The following TBX2 variants were observed in gnomAD, a reference collection of about 807,000 sequenced individuals.
TBX2 encodes the protein T-box transcription factor TBX2.
Under a neutral mutation model 48.4 loss-of-function variants are expected in TBX2, and 19 were observed. That is an observed-to-expected ratio of 0.39 (90% confidence interval 0.27 to 0.58). TBX2 has a LOEUF of 0.58. TBX2 is among the 20% of genes least tolerant of loss of function. The pLI, the probability that TBX2 is intolerant of heterozygous loss-of-function variation, is 0.54. For missense variants in TBX2, 994 were observed against 1,006.5 expected, an observed-to-expected ratio of 0.99 and a Z score of 0.17; for synonymous variants, 522 against 459.7, an observed-to-expected ratio of 1.14 and a Z score of -1.73.
chr17:61,408,608 G>C lies in TBX2; in HGVS notation c.*102G>C. ...AGAATGAGTATTTATTTAAATAAAG[G>C]AGAAAAGTGGGCTGCAGCAGCCGGA... On this transcript the variant is annotated 3_prime_UTR_variant, in exon 7 of 7. Coordinates refer to ENST00000240328, the MANE Select transcript of TBX2 (RefSeq NM_005994.4). 1 of 1,174,004 alleles carries C rather than the reference G, an allele frequency of 8.5e-7. No individual in the cohort carries two copies. Among genetic ancestry groups the C allele is most frequent in the Non-Finnish European group, 1.1e-6 (1 of 903,582 alleles). The allele number at this position is 1,174,004 out of a possible 1,614,324, so 72.7% of individuals were successfully genotyped here.
At chr17:61,407,758 C>T (rs547217647) in intron 6 of TBX2, 10 of 364,068 alleles carry the variant, frequency 2.7e-5, no homozygotes, top group Admixed American at 9.7e-5. Context: ...GGCCTTCACC[C>T]GTGCTAGGGC....
intron 2 of TBX2, 98 bp from the exon 3 acceptor site, chr17:61,402,963 A>AGT: frequency 5.7e-6 from 1 of 176,540 alleles, no homozygotes; most frequent in Non-Finnish European, 9.2e-6. Context: ...AGAGAGAGAG[A>AGT]GAGAGAGAAA....
rs982439065 is a variant in TBX2 at position 61,408,868 on chromosome 17, G to A, written c.*362G>A. The A allele has an allele frequency of 9.5e-6, 2 of 211,100 alleles. No individual in the cohort carries two copies. The highest frequency in any genetic ancestry group is 1.9e-5 in the Non-Finnish European group (2 of 107,506). 13.1% of individuals were successfully genotyped at this position (211,100 alleles called of 1,614,324 possible). A position where few individuals can be genotyped will look rare whatever the true frequency, so the allele number is the denominator to read the frequency against. On this transcript the variant is annotated 3_prime_UTR_variant, in exon 7 of 7. Coordinates refer to ENST00000240328, the MANE Select transcript of TBX2 (RefSeq NM_005994.4). ...TGCAGGGGCCAGGGGTGGGAGCATCGGAGGGAGTCCCAGAGCCCTGGACCT... is the reference window on the plus strand; with the variant it reads ...TGCAGGGGCCAGGGGTGGGAGCATCAGAGGGAGTCCCAGAGCCCTGGACCT...
In TBX2 at chr17:61,400,142, G is replaced by T; in HGVS notation, c.-35G>T. On this transcript the variant is annotated 5_prime_UTR_variant, in exon 1 of 7. Transcript: ENST00000240328. This position sits in a 1 kb window ranked among gnomAD's most constrained non-coding sequence, Gnocchi z 9.2. Reference sequence around the variant, plus strand: ...TCCGAGCCGCGCGCCCCCGGCCCCGGCCCCGGCCCCCGGGCGCCTGGGCCG... The same window carrying T: ...TCCGAGCCGCGCGCCCCCGGCCCCGTCCCCGGCCCCCGGGCGCCTGGGCCG... The T allele has an allele frequency of 1.0e-6, 1 of 988,504 alleles. No homozygotes were observed. Among genetic ancestry groups the T allele is most frequent in the Non-Finnish European group, 1.2e-6 (1 of 831,736 alleles). The allele number at this position is 988,504 out of a possible 1,614,324, so 61.2% of individuals were successfully genotyped here.
At position 61,404,474 on chromosome 17, in the gene TBX2, C is replaced by G. The variant is rs1250231142; in HGVS notation, c.864C>G (p.Thr288=). Residue 288 remains threonine, a synonymous_variant, in exon 4 of 7, where the codon ACC becomes ACG. Transcript: ENST00000240328. ...NNPFAKGFRD[T]GNGRREKRKQ... is the part of the protein sequence containing the mutation. ...CGTTTGCCAAGGGCTTCCGGGACAC[C>G]GGGAACGGCCGGCGGGAGAAAAGGT... is the stretch of plus-strand genomic sequence containing the variant. 9.3e-6 allele frequency: 15 copies of G among 1,611,794 alleles called. No homozygotes were observed. The highest frequency in any genetic ancestry group is 1.1e-5 in the Non-Finnish European group (13 of 1,179,308).
chr17:61,401,924 C>T lies in TBX2; in HGVS notation c.636C>T (p.Thr212=). Residue 212 remains threonine (T), a synonymous_variant, in exon 2 of 7, where the codon ACC becomes ACT. Coordinates refer to ENST00000240328, the MANE Select transcript of TBX2 (RefSeq NM_005994.4). ...KPVAFHKLKL[T]NNISDKHGFT... Reference sequence around the variant, plus strand: ...TGGCCTTCCACAAGCTGAAGCTGACCAACAACATCTCTGACAAGCACGGCT... The same window carrying T: ...TGGCCTTCCACAAGCTGAAGCTGACTAACAACATCTCTGACAAGCACGGCT... 3 of 1,607,520 alleles carry T rather than the reference C, an allele frequency of 1.9e-6. No homozygotes were observed. The highest frequency in any genetic ancestry group is 2.6e-6 in the Non-Finnish European group (3 of 1,176,256).
At chr17:61,407,214 G>A (rs2060292587) in intron 6 of TBX2, 2 of 152,198 alleles carry the variant, frequency 1.3e-5, no homozygotes. Flanking sequence ...TGTCTCAGGA[G>A]GGGGTATTTT....
chr17:61,403,332 CG>C lies in TBX2; in HGVS notation c.810+126del. On this transcript the variant is annotated intron_variant, in intron 3 of 6. Transcript: ENST00000240328. The surrounding 1 kb of genome is among the most constrained non-coding windows in gnomAD (Gnocchi z 5.8). The stretch of plus-strand genomic sequence containing the variant: ...GATCCGCGCTCTTGCGGCCCGCCCC[CG>C]AGCACCGAGCCTCGCATCCATACGC... The C allele has an allele frequency of 7.0e-7, 1 of 1,427,922 alleles. No individual in the cohort carries two copies. The highest frequency in any genetic ancestry group is 9.3e-7 in the Non-Finnish European group (1 of 1,071,270). The allele number at this position is 1,427,922 out of a possible 1,614,324, so 88.5% of individuals were successfully genotyped here.
At chr17:61,408,009 C>T in intron 6 of TBX2, 45 bp from the exon 7 acceptor site, 2 of 1,519,420 alleles carry the variant, frequency 1.3e-6, no homozygotes, top group Middle Eastern at 3.5e-4. Context: ...TTCAGAAAGA[C>T]TTCAGGCAAG....
chr17:61,406,283 G>C lies in TBX2; in HGVS notation c.1686+447G>C, dbSNP rs1208925407. ...GGCTAAGGTGGCCAGACAGACAAAGGGAGAAGGAACATTTGCATTATTTTC... is the reference window on the plus strand; with the variant it reads ...GGCTAAGGTGGCCAGACAGACAAAGCGAGAAGGAACATTTGCATTATTTTC... On this transcript the variant is annotated intron_variant, in intron 6 of 6. Coordinates refer to ENST00000240328, the MANE Select transcript of TBX2 (RefSeq NM_005994.4). The surrounding 1 kb of genome is among the most constrained non-coding windows in gnomAD (Gnocchi z 5.7). 6.3e-6 allele frequency: 1 copy of C among 159,722 alleles called. No homozygotes were observed. The highest frequency in any genetic ancestry group is 1.4e-5 in the Non-Finnish European group (1 of 73,426). The allele number at this position is 159,722 out of a possible 1,614,324, so 9.9% of individuals were successfully genotyped here. A position where few individuals can be genotyped will look rare whatever the true frequency, so the allele number is the denominator to read the frequency against.
chr17:61,402,954 GAGAGAGAGAGAGAGAGAA>G (rs2060270177), intron 2 of TBX2, 89 bp from the exon 3 acceptor site: 2 of 194,328 alleles, frequency 1.0e-5, no homozygotes, highest in African/African-American at 5.0e-5. Context: ...GAGAGAGAGA[GAGAGAGAGAGAGAGAGAA>G]AGTGGAGAGG....
At chr17:61,405,147 C>A in intron 5 of TBX2, 55 bp from the exon 6 acceptor site, 1 of 1,469,810 alleles carries the variant, frequency 6.8e-7, no homozygotes, top group South Asian at 1.4e-5. Context: ...TGTCCCTGAT[C>A]CTGCTCGTCG....
In TBX2 at chr17:61,403,327, G is replaced by A. The variant is rs1008539816; in HGVS notation, c.810+120G>A. 6 of 1,461,054 alleles carry A rather than the reference G, an allele frequency of 4.1e-6. No individual in the cohort carries two copies. The highest frequency in any genetic ancestry group is 3.8e-5 in the South Asian group (3 of 79,452). 90.5% of individuals were successfully genotyped at this position (1,461,054 alleles called of 1,614,324 possible). ...CACGGGATCCGCGCTCTTGCGGCCC[G>A]CCCCCGAGCACCGAGCCTCGCATCC... is the stretch of plus-strand genomic sequence containing the variant. On this transcript the variant is annotated intron_variant, in intron 3 of 6. Coordinates refer to ENST00000240328, the MANE Select transcript of TBX2 (RefSeq NM_005994.4). The surrounding 1 kb of genome is among the most constrained non-coding windows in gnomAD (Gnocchi z 5.8).
intron 5 of TBX2, 196 bp downstream of exon 5, chr17:61,404,965 C>T (rs1393046052): frequency 5.6e-6 from 7 of 1,243,078 alleles, no homozygotes; most frequent in Non-Finnish European, 6.8e-6. Flanking sequence ...GGCCGGACTC[C>T]GAGCCTGGCC....
intron 6 of TBX2, chr17:61,407,222 T>G (rs1359989464): frequency 6.6e-6 from 1 of 152,112 alleles, no homozygotes; most frequent in Non-Finnish European, 1.5e-5. Context: ...GAGGGGGTAT[T>G]TTCTCAGGCC....
rs909517068 is a variant in TBX2 at position 61,400,748 on chromosome 17, C to T, written c.395+177C>T. On this transcript the variant is annotated intron_variant, in intron 1 of 6. Transcript: ENST00000240328. This position sits in a 1 kb window ranked among gnomAD's most constrained non-coding sequence, Gnocchi z 9.2. ...CAAGTTGACTTTTCTCGTTTGGCAC[C>T]GGAGCGATTTTTTTTTAAAACAAAA... Among the ~76,000 whole-genome samples, 9 of 152,130 alleles carry T rather than the reference C, an allele frequency of 5.9e-5. No individual in the cohort carries two copies. The highest frequency in any genetic ancestry group is 2.2e-4 in the African/African-American group (9 of 41,412).
rs1296116503 is a variant in TBX2, at chr17:61,408,496, C to T, written c.2129C>T (p.Ser710Leu). The T allele has an allele frequency of 1.4e-5, 20 of 1,443,206 alleles. No homozygotes were observed. The highest frequency in any genetic ancestry group is 8.6e-5 in the African/African-American group (6 of 69,584). The allele number at this position is 1,443,206 out of a possible 1,614,324, so 89.4% of individuals were successfully genotyped here. A position where few individuals can be genotyped will look rare whatever the true frequency, so the allele number is the denominator to read the frequency against. Residue 710 changes from serine (S) to leucine (L), a missense_variant, in exon 7 of 7, where the codon TCG becomes TTG. By Grantham distance (145) the Ser-to-Leu change is moderately radical. Coordinates refer to ENST00000240328, the MANE Select transcript of TBX2 (RefSeq NM_005994.4). ...SQRALSPGRE[S>L]PK ...CGAGCCCTCTCCCCAGGCCGGGAGT[C>T]GCCCAAGTGAGGGGCTGCCCAGCTG...
chr17:61,401,404 A>G (rs549760982), intron 1 of TBX2, among the ~76,000 whole-genome samples: 2 of 152,220 alleles, frequency 1.3e-5, no homozygotes, highest in African/African-American at 4.8e-5. Context: ...ATCAGCTTTC[A>G]TCTCAGATCA....
rs749591534 is a variant in TBX2, at chr17:61,405,854, G to C, written c.1686+18G>C. 2 of 1,289,440 alleles carry C rather than the reference G, an allele frequency of 1.6e-6. No individual in the cohort carries two copies. The highest frequency in any genetic ancestry group is 3.0e-5 in the African/African-American group (2 of 65,684). 79.9% of individuals were successfully genotyped at this position (1,289,440 alleles called of 1,614,324 possible). On this transcript the variant is annotated intron_variant, in intron 6 of 6. Coordinates refer to ENST00000240328, the MANE Select transcript of TBX2 (RefSeq NM_005994.4). ...CATCTCAGGTAAGGCCTGTGACCCC[G>C]CGGCAGCGCCAGCGAGGGAGAAGGC...
Sources: allele counts gnomAD v4.1 joint callset (sites outside exome capture counted in the v4.1 genomes callset), GRCh38; gene constraint gnomAD v4.1.1; non-coding constraint Gnocchi (gnomAD v3.1); transcripts MANE v1.5; gene names NCBI Gene and HGNC (gene_info 2026-07-23, HGNC 2026-07-21).